MAPRE1: variants seen among roughly 807,000 people sequenced by gnomAD.
MAPRE1 encodes microtubule-associated protein RP/EB family member 1.
In MAPRE1, 5 loss-of-function variants were observed where a neutral mutation model predicts 32.1. That is an observed-to-expected ratio of 0.16 (90% confidence interval 0.08 to 0.33). The LOEUF is 0.33. Among genes scored for constraint, MAPRE1 ranks in the 10% least tolerant of loss-of-function variants. MAPRE1 has a pLI of 1.00. For missense variants in MAPRE1, 209 were observed against 327.2 expected, an observed-to-expected ratio of 0.64 and a Z score of 2.79; for synonymous variants, 122 against 118.9, an observed-to-expected ratio of 1.03 and a Z score of -0.17.
intron 1 of MAPRE1, among the ~76,000 whole-genome samples, chr20:32,821,246 A>G (rs1039720801): frequency 1.3e-5 from 2 of 152,118 alleles, no homozygotes; most frequent in Non-Finnish European, 2.9e-5. Context: ...CGAACTCCTG[A>G]CCTCAAGTGA....
At chr20:32,842,034 C>T (rs533323409) in intron 5 of MAPRE1, among the ~76,000 whole-genome samples, 9 of 151,418 alleles carry the variant, frequency 5.9e-5, no homozygotes, top group African/African-American at 1.2e-4. Context: ...AAATAATATG[C>T]GTAAATGGTC....
At chr20:32,848,367 A>G (rs1943797009) in intron 6 of MAPRE1, among the ~76,000 whole-genome samples, 1 of 152,202 alleles carries the variant, frequency 6.6e-6, no homozygotes, top group African/African-American at 2.4e-5. Context: ...TTATTGAAGT[A>G]TAACTGACAT....
intron 6 of MAPRE1, among the ~76,000 whole-genome samples, chr20:32,847,636 G>A (rs1484762297): frequency 6.6e-6 from 1 of 152,136 alleles, no homozygotes; most frequent in Non-Finnish European, 1.5e-5. Context: ...AAAAGACAAC[G>A]AAGATATAGG....
At chr20:32,842,853 T>TGAG (rs1983402150) in intron 5 of MAPRE1, among the ~76,000 whole-genome samples, 1 of 152,156 alleles carries the variant, frequency 6.6e-6, no homozygotes, top group South Asian at 2.1e-4. Context: ...GATTGGGGTC[T>TGAG]GAGGAGGCTT....
intron 3 of MAPRE1, among the ~76,000 whole-genome samples, chr20:32,834,359 A>C (rs1317434536): frequency 6.6e-6 from 1 of 152,158 alleles, no homozygotes; most frequent in African/African-American, 2.4e-5. Context: ...GGTGCTGGAA[A>C]ACTCCTTTCT....
upstream of MAPRE1, chr20:32,819,905 G>C (rs1410145358): frequency 6.6e-6 from 1 of 151,450 alleles, no homozygotes; most frequent in Non-Finnish European, 1.5e-5. Flanking sequence ...TTACGTCGGC[G>C]CGTAACGAGG....
At chr20:32,826,143 G>T in intron 2 of MAPRE1, 95 bp downstream of exon 2, 1 of 1,229,868 alleles carries the variant, frequency 8.1e-7, no homozygotes, top group South Asian at 1.9e-5. Context: ...ACACACAGAG[G>T]TTCAGGGTCT....
chr20:32,833,993 C>A, intron 3 of MAPRE1, 131 bp downstream of exon 3: 2 of 869,150 alleles, frequency 2.3e-6, no homozygotes, highest in Non-Finnish European at 3.3e-6. Context: ...TCTCAGTTAA[C>A]ACAGAATTTA....
chr20:32,834,021 C>T (rs990698128), intron 3 of MAPRE1, among the ~76,000 whole-genome samples, 159 bp downstream of exon 3: 3 of 152,212 alleles, frequency 2.0e-5, no homozygotes, highest in Admixed American at 1.3e-4. Flanking sequence ...CAGTTTGCCC[C>T]TACCTTCTTG....
At chr20:32,821,679 C>A (rs1250647246) in intron 1 of MAPRE1, among the ~76,000 whole-genome samples, 3 of 152,220 alleles carry the variant, frequency 2.0e-5, no homozygotes, top group Non-Finnish European at 4.4e-5. Flanking sequence ...GTGACTTGCC[C>A]ACGGTCACAT....
intron 4 of MAPRE1, among the ~76,000 whole-genome samples, chr20:32,837,146 G>A (rs1983224344): frequency 6.6e-6 from 1 of 152,196 alleles, no homozygotes; most frequent in Non-Finnish European, 1.5e-5. Flanking sequence ...TTTTGCCAAA[G>A]CTCTAGAAAT....
At chr20:32,827,428 AGTGATTT>A (rs1982887503) in intron 2 of MAPRE1, among the ~76,000 whole-genome samples, 1 of 151,952 alleles carries the variant, frequency 6.6e-6, no homozygotes, top group East Asian at 1.9e-4. Context: ...AAAAATAAGT[AGTGATTT>A]AAAAGAAGAA....
At chr20:32,828,591 G>A (rs866108243) in intron 2 of MAPRE1, among the ~76,000 whole-genome samples, 1 of 152,184 alleles carries the variant, frequency 6.6e-6, no homozygotes, top group Non-Finnish European at 1.5e-5. Flanking sequence ...CTGGGGCAGC[G>A]ATACCTGGCC....
intron 2 of MAPRE1, among the ~76,000 whole-genome samples, chr20:32,827,507 A>G (rs1982890414): frequency 6.6e-6 from 1 of 152,184 alleles, no homozygotes; most frequent in Admixed American, 6.5e-5. Context: ...GAAAGAAGAA[A>G]ACAAAAAAAT....
At chr20:32,844,241 G>T (rs1345208156) in intron 5 of MAPRE1, among the ~76,000 whole-genome samples, 1 of 151,994 alleles carries the variant, frequency 6.6e-6, no homozygotes, top group Admixed American at 6.6e-5. Flanking sequence ...TTTTTTTAGT[G>T]ATTTAGTGTT....
intron 6 of MAPRE1, among the ~76,000 whole-genome samples, chr20:32,847,516 C>A (rs1470552720): frequency 6.6e-6 from 1 of 152,138 alleles, no homozygotes; most frequent in Non-Finnish European, 1.5e-5. Flanking sequence ...CTGTCACTGT[C>A]CTTGAGACAT....
intron 4 of MAPRE1, among the ~76,000 whole-genome samples, chr20:32,838,900 A>G (rs1983275062): frequency 6.6e-6 from 1 of 152,236 alleles, no homozygotes; most frequent in African/African-American, 2.4e-5. Flanking sequence ...ACTTTACAAA[A>G]TAATTGCTAA....
intron 2 of MAPRE1, among the ~76,000 whole-genome samples, chr20:32,829,760 C>T (rs966734664): frequency 6.6e-6 from 1 of 152,192 alleles, no homozygotes; most frequent in African/African-American, 2.4e-5. Flanking sequence ...CTCTCCTACC[C>T]CCAACAGTGA....
chr20:32,835,304 G>A (rs1341293574), intron 3 of MAPRE1, among the ~76,000 whole-genome samples: 6 of 150,924 alleles, frequency 4.0e-5, no homozygotes, highest in African/African-American at 1.5e-4. Context: ...TTGTATAATA[G>A]AAATACTTAC....
Sources: gnomAD v4.1 joint callset for allele counts (sites outside exome capture counted in the v4.1 genomes callset) on GRCh38, gnomAD v4.1.1 for gene constraint, MANE v1.5 for transcripts, NCBI Gene and HGNC (gene_info 2026-07-23, HGNC 2026-07-21) for gene names.